The following ABCE1 variants were observed in gnomAD, a reference collection of about 807,000 sequenced individuals.
ABCE1 encodes the protein ATP-binding cassette sub-family E member 1.
Under a neutral mutation model 83.4 loss-of-function variants are expected in ABCE1, and 22 were observed. The observed-to-expected ratio is 0.26, with a 90% CI of 0.19 to 0.38. ABCE1 has a LOEUF of 0.38. Among genes scored for constraint, ABCE1 ranks in the 10% least tolerant of loss-of-function variants. The probability of loss-of-function intolerance (pLI) is 1.00; values close to 1 mark genes in which losing one functional copy is unlikely to be tolerated. For missense variants in ABCE1, 330 were observed against 721.9 expected, an observed-to-expected ratio of 0.46 and a Z score of 6.22; for synonymous variants, 204 against 233.7, an observed-to-expected ratio of 0.87 and a Z score of 1.16.
intron 8 of ABCE1, among the ~76,000 whole-genome samples, chr4:145,111,977 A>C (rs1309766198): frequency 6.6e-6 from 1 of 152,226 alleles, no homozygotes; most frequent in East Asian, 1.9e-4. Flanking sequence ...TTTTATGAGG[A>C]GTGACCAATT....
At chr4:145,103,245 T>C (rs1560956221) in intron 1 of ABCE1, among the ~76,000 whole-genome samples, 1 of 151,900 alleles carries the variant, frequency 6.6e-6, no homozygotes, top group African/African-American at 2.4e-5. Context: ...AGCAGTCTAT[T>C]AAAAAAAATA....
intron 17 of ABCE1, among the ~76,000 whole-genome samples, 164 bp downstream of exon 17, chr4:145,125,265 T>G (rs1299546288): frequency 6.6e-6 from 1 of 152,104 alleles, no homozygotes; most frequent in Non-Finnish European, 1.5e-5. Context: ...GTCACGAGTT[T>G]GAGACCAGCC....
In ABCE1 at chr4:145,129,064, A is replaced by G. The variant is rs1188411221; in HGVS notation, c.*1491A>G. 2.0e-5 allele frequency: 3 copies of G among 152,198 alleles called. No individual in the cohort carries two copies. The highest frequency in any genetic ancestry group is 2.9e-5 in the Non-Finnish European group (2 of 68,022). 9.4% of individuals were successfully genotyped at this position (152,198 alleles called of 1,614,324 possible). On this transcript the variant is annotated 3_prime_UTR_variant, in exon 18 of 18. Coordinates refer to ENST00000296577, the MANE Select transcript of ABCE1 (RefSeq NM_002940.3). ...TGTAAAGGGTTTGTTTTGTATACAA[A>G]TGGGATTATACTAAAATAAGTAATG...
intron 1 of ABCE1, among the ~76,000 whole-genome samples, chr4:145,100,188 T>A (rs1490436287): frequency 6.6e-6 from 1 of 152,212 alleles, no homozygotes; most frequent in Non-Finnish European, 1.5e-5. Context: ...TGGTATGTTT[T>A]TATTCTACTG....
At chr4:145,126,137 T>C (rs1038919506) in intron 17 of ABCE1, among the ~76,000 whole-genome samples, 2 of 152,172 alleles carry the variant, frequency 1.3e-5, no homozygotes, top group Non-Finnish European at 2.9e-5. Context: ...TAATTGACAA[T>C]GTTTTTTGTC....
chr4:145,104,565 A>G (rs1280076690), intron 2 of ABCE1, 50 bp downstream of exon 2: 1 of 1,241,886 alleles, frequency 8.1e-7, no homozygotes, highest in South Asian at 1.7e-5. Context: ...CATGAAAGAA[A>G]TCAACTGGTT....
chr4:145,123,723 C>T, intron 16 of ABCE1, 123 bp downstream of exon 16: 1 of 999,562 alleles, frequency 1.0e-6, no homozygotes, highest in Non-Finnish European at 1.4e-6. Flanking sequence ...TCTGTGACTC[C>T]TGAGATCATT....
intron 17 of ABCE1, among the ~76,000 whole-genome samples, chr4:145,127,173 G>A (rs1286985562): frequency 6.6e-6 from 1 of 152,142 alleles, no homozygotes; most frequent in Non-Finnish European, 1.5e-5. Flanking sequence ...CAAACTGACA[G>A]TATGCTGCAT....
chr4:145,118,511 C>T (rs1296032937), intron 10 of ABCE1, among the ~76,000 whole-genome samples: 1 of 151,600 alleles, frequency 6.6e-6, no homozygotes, highest in African/African-American at 2.4e-5. Flanking sequence ...GGGATGACAT[C>T]AGAACAAATT....
chr4:145,110,775 A>G (rs745797990), intron 7 of ABCE1, 193 bp from the exon 8 acceptor site: 10 of 555,386 alleles, frequency 1.8e-5, no homozygotes, highest in Non-Finnish European at 2.8e-5. Context: ...TTGTGTATAT[A>G]TTTCAATAGG....
chr4:145,119,851 A>G (rs1749697502), intron 10 of ABCE1, 81 bp from the exon 11 acceptor site: 2 of 947,962 alleles, frequency 2.1e-6, no homozygotes, highest in Admixed American at 2.5e-5. Flanking sequence ...TTTAAAGTAT[A>G]TAGTCTATAG....
chr4:145,105,668 T>A lies in ABCE1; in HGVS notation c.167T>A (p.Ile56Asn). The A allele has an allele frequency of 6.2e-7, 1 of 1,605,840 alleles. No homozygotes were observed. The change falls in exon 3 of 18, where the codon ATT (isoleucine) becomes AAT (asparagine). Residue 56 changes from isoleucine to asparagine, a missense_variant. Physicochemically the swap from Ile to Asn is moderately radical, Grantham distance 149 (BLOSUM62 -3). Transcript: ENST00000296577. ...KIAWISETLCIGCGICIKKCP... is the reference protein window; with the variant it reads ...KIAWISETLCNGCGICIKKCP... ...GCATGGATTTCCGAAACTCTTTGTA[T>A]TGGTTGTGGTATCTGTATTAAGGTA...
Position 145,111,096 on chromosome 4 carries a change from A to T in ABCE1, c.710+32A>T, listed in dbSNP as rs766545464. On this transcript the variant is annotated intron_variant, in intron 8 of 17. Coordinates refer to ENST00000296577, the MANE Select transcript of ABCE1 (RefSeq NM_002940.3). The stretch of plus-strand genomic sequence containing the variant: ...TACTTTACAATTTTTGTTTATCTTC[A>T]TCCGTATTGTAGAGTTTTCAGTTGT... The T allele has an allele frequency of 4.3e-5, 65 of 1,495,318 alleles. 1 individual carries two copies. In the Middle Eastern group the frequency reaches 6.9e-4, roughly 16 times the overall value. The allele number at this position is 1,495,318 out of a possible 1,614,324, so 92.6% of individuals were successfully genotyped here.
At chr4:145,109,340 T>C (rs1358837783) in intron 5 of ABCE1, 91 bp downstream of exon 5, 2 of 642,990 alleles carry the variant, frequency 3.1e-6, no homozygotes, top group African/African-American at 1.9e-5. Flanking sequence ...AATATTCTTA[T>C]TTTCAAAATT....
chr4:145,104,570 C>T (rs1749248571), intron 2 of ABCE1, 55 bp downstream of exon 2: 2 of 1,196,120 alleles, frequency 1.7e-6, no homozygotes, highest in Non-Finnish European at 1.2e-6. Flanking sequence ...AAGAAATCAA[C>T]TGGTTTGATA....
intron 13 of ABCE1, 101 bp downstream of exon 13, chr4:145,121,492 T>A: frequency 1.2e-6 from 1 of 822,462 alleles, no homozygotes; most frequent in Non-Finnish European, 1.9e-6. Context: ...AATTAGATTC[T>A]ATACAGTTTT....
At chr4:145,099,570 G>A (rs1022910262) in intron 1 of ABCE1, among the ~76,000 whole-genome samples, 1 of 152,166 alleles carries the variant, frequency 6.6e-6, no homozygotes, top group African/African-American at 2.4e-5. Flanking sequence ...TGTTGGAAGA[G>A]CATCTAACAA....
Position 145,104,529 on chromosome 4 carries a change from T to C in ABCE1, c.103+14T>C, listed in dbSNP as rs921899679. The C allele has an allele frequency of 3.9e-6, 6 of 1,521,696 alleles. No individual in the cohort carries two copies. Among genetic ancestry groups the C allele is most frequent in the Non-Finnish European group, 3.6e-6 (4 of 1,119,176 alleles). The allele number at this position is 1,521,696 out of a possible 1,614,324, so 94.3% of individuals were successfully genotyped here. ...TAGTTCGAATGGGTAAGCTGTTCTG[T>C]GGATCATTTAAGTATAAAAGAAAAC... On this transcript the variant is annotated intron_variant, in intron 2 of 17. Transcript: ENST00000296577.
At chr4:145,123,155 T>A in intron 14 of ABCE1, 24 bp downstream of exon 14, 1 of 1,579,832 alleles carries the variant, frequency 6.3e-7, no homozygotes, top group Non-Finnish European at 8.5e-7. Flanking sequence ...ATTTTTTTTA[T>A]TTTTTTATTA....
Sources: gnomAD v4.1 joint callset for allele counts (sites outside exome capture counted in the v4.1 genomes callset) on GRCh38, gnomAD v4.1.1 for gene constraint, MANE v1.5 for transcripts, NCBI Gene and HGNC (gene_info 2026-07-23, HGNC 2026-07-21) for gene names.